COLEC11: variants seen among roughly 807,000 people sequenced by gnomAD.
COLEC11 encodes collectin-11.
A neutral mutation model predicts 27.3 loss-of-function variants in COLEC11; 20 were observed. The ratio of observed to expected loss-of-function variants is 0.73; its 90% confidence interval spans 0.51 to 1.06. COLEC11 has a LOEUF of 1.06. Ranked by LOEUF, COLEC11 falls within the 50% of genes least tolerant of loss-of-function variation. The pLI is 0.00. For synonymous variants in COLEC11, 163 were observed against 154.7 expected (o/e 1.05, Z -0.40); for missense variants, 310 against 383.0 (o/e 0.81, Z 1.59).
At chr2:3,601,609 T>C (rs1003530027) in intron 1 of COLEC11, among the ~76,000 whole-genome samples, 2 of 152,302 alleles carry the variant, frequency 1.3e-5, no homozygotes, top group Admixed American at 6.5e-5. Flanking sequence ...ATAGTACCTT[T>C]TTTCCCCCGA....
chr2:3,613,813 G>GC (rs1663429113), intron 3 of COLEC11, among the ~76,000 whole-genome samples: 1 of 152,162 alleles, frequency 6.6e-6, no homozygotes, highest in South Asian at 2.1e-4. Flanking sequence ...GTGGGACTGT[G>GC]CCGAGGCTCA....
At chr2:3,611,790 G>A (rs1663214485) in intron 2 of COLEC11, among the ~76,000 whole-genome samples, 1 of 151,998 alleles carries the variant, frequency 6.6e-6, no homozygotes. Context: ...CCCTCCGTGA[G>A]GCCAGATAAT....
intron 3 of COLEC11, among the ~76,000 whole-genome samples, chr2:3,631,755 G>A (rs1665021539): frequency 6.6e-6 from 1 of 151,390 alleles, no homozygotes; most frequent in African/African-American, 2.5e-5. Flanking sequence ...AGGGGGCTCT[G>A]CTCGGAGGGC....
At chr2:3,616,092 G>A (rs1399933696) in intron 3 of COLEC11, among the ~76,000 whole-genome samples, 3 of 150,980 alleles carry the variant, frequency 2.0e-5, no homozygotes, top group Non-Finnish European at 3.0e-5. Context: ...GGTGGCGGTC[G>A]GGCAGAGACA....
Position 3,602,968 on chromosome 2 carries a change from C to T in COLEC11, c.-26-1347C>T, listed in dbSNP as rs1662344523. Reference sequence around the variant, plus strand: ...CTGTCTCTTCCAATAGGAATAAAAACATAAATGTTCTTGCTCTACTCCTGG... The same window carrying T: ...CTGTCTCTTCCAATAGGAATAAAAATATAAATGTTCTTGCTCTACTCCTGG... On this transcript the variant is annotated intron_variant, in intron 1 of 6. Transcript: ENST00000349077. The surrounding 1 kb of genome is among the most constrained non-coding windows in gnomAD (Gnocchi z 6.2). Among the ~76,000 whole-genome samples, 1 of 152,230 alleles carries T rather than the reference C, an allele frequency of 6.6e-6. No homozygotes were observed. Among genetic ancestry groups the T allele is most frequent in the South Asian group, 2.1e-4 (1 of 4,832 alleles).
At chr2:3,641,579 AT>A in intron 5 of COLEC11, 1 of 412,152 alleles carries the variant, frequency 2.4e-6, no homozygotes, top group Non-Finnish European at 4.0e-6. Context: ...GAAAGCCTCT[AT>A]TACCTCAAAC....
chr2:3,639,036 A>ATC (rs1220901217), intron 4 of COLEC11, among the ~76,000 whole-genome samples: 4 of 152,180 alleles, frequency 2.6e-5, no homozygotes, highest in Non-Finnish European at 5.9e-5. Flanking sequence ...TATTCTAGAT[A>ATC]TTTCACATAT....
At chr2:3,617,820 G>A (rs1663886872) in intron 3 of COLEC11, 1 of 695,940 alleles carries the variant, frequency 1.4e-6, no homozygotes, top group African/African-American at 1.8e-5. Flanking sequence ...CAATGTCTAA[G>A]GGCTCGCCTT....
chr2:3,609,024 C>G lies in COLEC11; in HGVS notation c.131-4287C>G, dbSNP rs1303613288. 3.9e-5 allele frequency among the ~76,000 whole-genome samples: 6 copies of G among 152,330 alleles called. No homozygotes were observed. In the East Asian group the frequency reaches 1.2e-3, roughly 29 times the overall value. ...GTTTCTGACTCCAGGTTTGGGTTCC[C>G]CACACTGCAGGCACAGCCGTGAGGC... On this transcript the variant is annotated intron_variant, in intron 2 of 6. Coordinates refer to ENST00000349077, the MANE Select transcript of COLEC11 (RefSeq NM_024027.5).
intron 2 of COLEC11, among the ~76,000 whole-genome samples, chr2:3,607,938 C>G (rs1351488958): frequency 1.3e-5 from 2 of 152,222 alleles, no homozygotes; most frequent in East Asian, 3.8e-4. Context: ...TCTCTGACTT[C>G]CCATGGCCCT....
At position 3,637,513 on chromosome 2, in the gene COLEC11, G is replaced by A. The variant is rs1488928962; in HGVS notation, c.203-20G>A. ...TGTCACCTGTGCATCGACCAACTTT[G>A]CTCTTATTGTTTTCTACAGGAGACA... is the stretch of plus-strand genomic sequence containing the variant. On this transcript the variant is annotated intron_variant, in intron 3 of 6. Coordinates refer to ENST00000349077, the MANE Select transcript of COLEC11 (RefSeq NM_024027.5). 2 of 1,611,718 alleles carry A rather than the reference G, an allele frequency of 1.2e-6. No individual in the cohort carries two copies. Among genetic ancestry groups the A allele is most frequent in the Non-Finnish European group, 1.7e-6 (2 of 1,177,838 alleles).
In COLEC11 at chr2:3,606,842, G is replaced by A. The variant is rs556189658; in HGVS notation, c.130+2372G>A. Among the ~76,000 whole-genome samples the A allele has an allele frequency of 1.5e-3, 221 of 152,342 alleles. 1 individual carries two copies. The highest frequency in any genetic ancestry group is 4.8e-3 in the African/African-American group (200 of 41,582). ...CCTGCCGGCCCCAGCATGTGCCGTAGCCCCCCAGGGTCGCTGGAGGTCAAA... is the reference window on the plus strand; with the variant it reads ...CCTGCCGGCCCCAGCATGTGCCGTAACCCCCCAGGGTCGCTGGAGGTCAAA... On this transcript the variant is annotated intron_variant, in intron 2 of 6. Coordinates refer to ENST00000349077, the MANE Select transcript of COLEC11 (RefSeq NM_024027.5).
At chr2:3,597,905 A>G (rs1022648685) in intron 1 of COLEC11, among the ~76,000 whole-genome samples, 1 of 151,926 alleles carries the variant, frequency 6.6e-6, no homozygotes, top group Non-Finnish European at 1.5e-5. Context: ...TTTTGACATT[A>G]TTTTTGTATT....
At chr2:3,634,102 G>A (rs1404415995) in intron 3 of COLEC11, among the ~76,000 whole-genome samples, 2 of 152,150 alleles carry the variant, frequency 1.3e-5, no homozygotes, top group Non-Finnish European at 2.9e-5. Context: ...TGGGGTCACG[G>A]CTTCAACAGA....
In COLEC11 at chr2:3,629,620, G is replaced by T. The variant is rs114550483; in HGVS notation, c.203-7913G>T. Among the ~76,000 whole-genome samples, 1,216 of 152,302 alleles carry T rather than the reference G, an allele frequency of 8.0e-3. 12 individuals are homozygous for T. The highest frequency in any genetic ancestry group is 0.028 in the African/African-American group (1,165 of 41,546). ...TGTGTGTATGTGCATATGAGCATTT[G>T]TGTGTATGTGCATATAGCGTGTGTG... On this transcript the variant is annotated intron_variant, in intron 3 of 6. Transcript: ENST00000349077.
intron 1 of COLEC11, among the ~76,000 whole-genome samples, chr2:3,599,549 CATTA>C (rs1662077962): frequency 6.6e-6 from 1 of 152,230 alleles, no homozygotes; most frequent in South Asian, 2.1e-4. Flanking sequence ...GTGCCACACG[CATTA>C]ATTACCGCTG....
At chr2:3,613,240 TC>T in intron 2 of COLEC11, 70 bp from the exon 3 acceptor site, 3 of 1,502,136 alleles carry the variant, frequency 2.0e-6, no homozygotes, top group Non-Finnish European at 2.7e-6. Context: ...TAACTGTTCT[TC>T]CTCCACAAAT....
intron 3 of COLEC11, among the ~76,000 whole-genome samples, chr2:3,615,199 C>A (rs1011814517): frequency 6.6e-6 from 1 of 151,662 alleles, no homozygotes; most frequent in African/African-American, 2.4e-5. Flanking sequence ...GGGGATTTGG[C>A]AGGGTCATAG....
intron 1 of COLEC11, chr2:3,603,317 A>C: frequency 5.3e-6 from 1 of 188,454 alleles, no homozygotes; most frequent in Non-Finnish European, 1.1e-5. Flanking sequence ...TTATTTATTT[A>C]TTATATTTTA....
Sources: gnomAD v4.1 joint callset for allele counts (sites outside exome capture counted in the v4.1 genomes callset) on GRCh38, gnomAD v4.1.1 for gene constraint, Gnocchi (gnomAD v3.1) non-coding constraint, MANE v1.5 for transcripts, NCBI Gene and HGNC (gene_info 2026-07-23, HGNC 2026-07-21) for gene names.